The following ZNF710 variants were observed in gnomAD, a reference collection of about 807,000 sequenced individuals.
The protein encoded by ZNF710 is zinc finger protein 710.
A neutral mutation model predicts 50.6 loss-of-function variants in ZNF710; 13 were observed. That is an observed-to-expected ratio of 0.26 (90% CI 0.17 to 0.41). The LOEUF is 0.41. Among genes scored for constraint, ZNF710 ranks in the 10% least tolerant of loss-of-function variants. The pLI, the probability that ZNF710 is intolerant of heterozygous loss-of-function variation, is 1.00. For synonymous variants in ZNF710, 383 were observed against 397.0 expected (o/e 0.96, Z 0.42); for missense variants, 721 against 936.6 (o/e 0.77, Z 3.01).
intron 1 of ZNF710, among the ~76,000 whole-genome samples, chr15:90,030,740 G>C (rs146705950): frequency 0.027 from 4,149 of 152,104 alleles, 203 homozygotes; most frequent in African/African-American, 0.094. Flanking sequence ...AAATTGGCTG[G>C]GCGCGGTGGC....
At chr15:90,032,633 C>G (rs1057453533) in intron 1 of ZNF710, among the ~76,000 whole-genome samples, 14 of 151,938 alleles carry the variant, frequency 9.2e-5, no homozygotes, top group African/African-American at 3.4e-4. Flanking sequence ...CAAAAATTAG[C>G]TGGACATGGT....
chr15:90,077,112 G>T (rs1004353396), intron 4 of ZNF710, among the ~76,000 whole-genome samples: 3 of 152,144 alleles, frequency 2.0e-5, no homozygotes, highest in Non-Finnish European at 1.5e-5. Context: ...ATTTGGGGAG[G>T]TGGATCAATG....
intron 1 of ZNF710, among the ~76,000 whole-genome samples, chr15:90,028,695 T>C (rs1898847050): frequency 6.6e-6 from 1 of 152,206 alleles, no homozygotes; most frequent in Admixed American, 6.5e-5. Flanking sequence ...ATGGAGGTGA[T>C]TTGTTGGGCA....
At chr15:90,036,346 T>C (rs6496617) in intron 1 of ZNF710, among the ~76,000 whole-genome samples, 73,780 of 151,150 alleles carry the variant, frequency 0.49, 21,848 homozygotes, top group African/African-American at 0.82. Flanking sequence ...CACTTGGCGC[T>C]GTTCGATTTT....
Position 90,056,180 on chromosome 15 carries a change from C to T in ZNF710, c.-28-10930C>T, listed in dbSNP as rs368018595. Among the ~76,000 whole-genome samples the T allele has an allele frequency of 1.7e-3, 260 of 151,744 alleles. 2 individuals are homozygous for T. The highest frequency in any genetic ancestry group is 5.7e-3 in the African/African-American group (237 of 41,340). On this transcript the variant is annotated intron_variant, in intron 1 of 4. Transcript: ENST00000268154. The stretch of plus-strand genomic sequence containing the variant: ...ATCCCAGCACTTTGGGAGGCCGAGG[C>T]GGGTGGATCACCTGAGGTCGGAAGT...
Position 90,067,829 on chromosome 15 carries a change from C to T in ZNF710, c.692C>T (p.Ala231Val), listed in dbSNP as rs1900234276. 8 of 1,588,322 alleles carry T rather than the reference C, an allele frequency of 5.0e-6. No homozygotes were observed. Among genetic ancestry groups the T allele is most frequent in the Admixed American group, 1.7e-5 (1 of 58,584 alleles). ...CTGGCCCCCCTGAGTGACCCCGAGG[C>T]CCCCAGCATGGAGTCCCCGGAGCCT... ...PHLAPLSDPE[A>V]PSMESPEPVK... Residue 231 changes from alanine to valine, a missense_variant, in exon 2 of 5, where the codon GCC becomes GTC. This residue lies in a region of ZNF710 where 326 missense variants were observed against 347.1 expected (regional missense o/e 0.94). Transcript: ENST00000268154. This position sits in a 1 kb window ranked among gnomAD's most constrained non-coding sequence, Gnocchi z 8.1.
chr15:90,052,697 G>A (rs1164992385), intron 1 of ZNF710, among the ~76,000 whole-genome samples: 14 of 152,218 alleles, frequency 9.2e-5, no homozygotes, highest in Admixed American at 2.0e-4. Flanking sequence ...TTGGGAGGCC[G>A]AGGTGGGCAG....
Position 90,040,625 on chromosome 15 carries a change from C to G in ZNF710, c.-28-26485C>G, listed in dbSNP as rs998192375. On this transcript the variant is annotated intron_variant, in intron 1 of 4. Transcript: ENST00000268154. The surrounding 1 kb of genome is among the most constrained non-coding windows in gnomAD (Gnocchi z 4.6). The stretch of plus-strand genomic sequence containing the variant: ...GCTTGCTTTTAATTTTGTTTTTTAT[C>G]AGAGTAATATATGCATCTTTTTTTA... Among the ~76,000 whole-genome samples, 1 of 152,070 alleles carries G rather than the reference C, an allele frequency of 6.6e-6. No homozygotes were observed. The highest frequency in any genetic ancestry group is 2.4e-5 in the African/African-American group (1 of 41,396).
chr15:90,077,163 AG>A (rs781025626), intron 4 of ZNF710, among the ~76,000 whole-genome samples: 1 of 151,786 alleles, frequency 6.6e-6, no homozygotes, highest in South Asian at 2.1e-4. Context: ...TGGGGCCCAC[AG>A]GACGGGACCA....
intron 1 of ZNF710, among the ~76,000 whole-genome samples, chr15:90,055,003 T>C (rs1317445): frequency 0.24 from 36,511 of 152,172 alleles, 4,992 homozygotes; most frequent in East Asian, 0.62. Context: ...GGCAACAATT[T>C]ATTCTATCTG....
intron 2 of ZNF710, among the ~76,000 whole-genome samples, chr15:90,070,327 C>CTCTA (rs1180196216): frequency 6.6e-6 from 1 of 151,012 alleles, no homozygotes; most frequent in Middle Eastern, 3.2e-3. Context: ...AGCCACTGCA[C>CTCTA]TCTAGCCTGG....
chr15:90,004,899 G>T (rs1010666883), intron 1 of ZNF710, among the ~76,000 whole-genome samples: 20 of 152,366 alleles, frequency 1.3e-4, no homozygotes, highest in Admixed American at 7.8e-4. Flanking sequence ...CAACTAGGGG[G>T]AACTGGGTGA....
chr15:90,069,228 CAA>C (rs1231164801), intron 2 of ZNF710, among the ~76,000 whole-genome samples: 68 of 69,566 alleles, frequency 9.8e-4, no homozygotes, highest in East Asian at 1.4e-3. Context: ...AACTCCATCT[CAA>C]AAAAAAAAAA....
At chr15:89,999,684 C>T (rs1223590081), upstream of ZNF710, among the ~76,000 whole-genome samples, 2 of 151,944 alleles carry the variant, frequency 1.3e-5, no homozygotes, top group Non-Finnish European at 2.9e-5. Flanking sequence ...GGGGCCGTGG[C>T]CTTGGGGCTC....
chr15:90,018,682 A>G (rs920562620), intron 1 of ZNF710, among the ~76,000 whole-genome samples: 1 of 152,128 alleles, frequency 6.6e-6, no homozygotes, highest in African/African-American at 2.4e-5. Context: ...ACTCAGCTAC[A>G]GTGACTGGAA....
At chr15:90,035,916 G>C (rs545167150) in intron 1 of ZNF710, among the ~76,000 whole-genome samples, 1 of 152,348 alleles carries the variant, frequency 6.6e-6, no homozygotes, top group East Asian at 1.9e-4. Context: ...TGGGGCCCCA[G>C]GCAGTGGCAC....
intron 1 of ZNF710, among the ~76,000 whole-genome samples, chr15:90,048,126 C>T (rs567600769): frequency 7.9e-5 from 12 of 152,348 alleles, no homozygotes; most frequent in Admixed American, 4.6e-4. Context: ...CTGTGAACGT[C>T]GGTTTTGCCA....
In ZNF710 at chr15:90,069,112, CA is replaced by C. The variant is rs1213490493; in HGVS notation, c.1458+518del. ...GTGTGGTGGTGGATGCCTGTAATCC[CA>C]GCTACTTGGGAGGCTGAGGCAAGAG... On this transcript the variant is annotated intron_variant, in intron 2 of 4. Coordinates refer to ENST00000268154, the MANE Select transcript of ZNF710 (RefSeq NM_198526.4). Among the ~76,000 whole-genome samples, 11 of 151,294 alleles carry C rather than the reference CA, an allele frequency of 7.3e-5. No homozygotes were observed. The Admixed American group carries it at 7.3e-4, about 10-fold the overall frequency.
chr15:90,010,865 C>T (rs1480887785), intron 1 of ZNF710, among the ~76,000 whole-genome samples: 1 of 151,798 alleles, frequency 6.6e-6, no homozygotes, highest in Non-Finnish European at 1.5e-5. Flanking sequence ...ATTCTCTCTC[C>T]TCAGCCTCTT....
Sources: gnomAD v4.1 joint callset for allele counts (sites outside exome capture counted in the v4.1 genomes callset) on GRCh38, gnomAD v4.1.1 for gene constraint, gnomAD v4.1.1 regional missense constraint, Gnocchi (gnomAD v3.1) non-coding constraint, MANE v1.5 for transcripts, NCBI Gene and HGNC (gene_info 2026-07-23, HGNC 2026-07-21) for gene names.